TRIO: variants seen among roughly 807,000 people sequenced by gnomAD.
TRIO encodes triple functional domain protein.
In TRIO, 58 loss-of-function variants were observed where a neutral mutation model predicts 351.9. The ratio of observed to expected loss-of-function variants is 0.16; its 90% CI spans 0.13 to 0.21. TRIO has a LOEUF of 0.21. TRIO is among the 10% of genes least tolerant of loss of function. The pLI is 1.00. For missense variants in TRIO, 3,201 were observed against 4,027.8 expected (o/e 0.79, Z 5.56); for synonymous variants, 1,758 against 1,595.7 (o/e 1.10, Z -2.42).
At chr5:14,443,911 CT>C (rs1156443196) in intron 34 of TRIO, among the ~76,000 whole-genome samples, 1 of 152,154 alleles carries the variant, frequency 6.6e-6, no homozygotes, top group African/African-American at 2.4e-5. Flanking sequence ...GGTTATCATT[CT>C]GAAATCAGTA....
chr5:14,284,864 C>T (rs989969189), intron 3 of TRIO, among the ~76,000 whole-genome samples: 4 of 152,158 alleles, frequency 2.6e-5, no homozygotes, highest in Non-Finnish European at 4.4e-5. Context: ...GAGTAGAATG[C>T]CTTACTGGGC....
At chr5:14,302,834 C>G (rs571769844) in intron 7 of TRIO, among the ~76,000 whole-genome samples, 1 of 152,190 alleles carries the variant, frequency 6.6e-6, no homozygotes, top group Non-Finnish European at 1.5e-5. Context: ...AGGTTAAAAC[C>G]GAGGGAAATG....
chr5:14,195,153 G>C (rs183174103), intron 1 of TRIO, among the ~76,000 whole-genome samples: 1 of 152,014 alleles, frequency 6.6e-6, no homozygotes, highest in African/African-American at 2.4e-5. Flanking sequence ...TCTCTATTTC[G>C]TGCAGTATCC....
At chr5:14,273,859 CTG>C (rs1026488930) in intron 2 of TRIO, among the ~76,000 whole-genome samples, 1 of 152,198 alleles carries the variant, frequency 6.6e-6, no homozygotes, top group African/African-American at 2.4e-5. Flanking sequence ...TCTTTTTTAA[CTG>C]TTTATTATGG....
At chr5:14,398,629 C>CT (rs1747811749) in intron 29 of TRIO, among the ~76,000 whole-genome samples, 1 of 152,000 alleles carries the variant, frequency 6.6e-6, no homozygotes, top group Non-Finnish European at 1.5e-5. Context: ...GGATAGAACT[C>CT]AAAGAATAAA....
At chr5:14,441,227 C>CCTCCAGTCGG (rs1752013294) in intron 34 of TRIO, 1 of 152,806 alleles carries the variant, frequency 6.5e-6, no homozygotes, top group African/African-American at 2.4e-5. Flanking sequence ...GCACCTTTAG[C>CCTCCAGTCGG]CTCCAGTCGG....
At chr5:14,202,990 C>T (rs1791229098) in intron 1 of TRIO, among the ~76,000 whole-genome samples, 1 of 152,080 alleles carries the variant, frequency 6.6e-6, no homozygotes, top group African/African-American at 2.4e-5. Context: ...AGTCAACCTA[C>T]AGTCATGAGA....
chr5:14,459,191 C>A (rs562424226), intron 34 of TRIO, among the ~76,000 whole-genome samples: 2 of 152,192 alleles, frequency 1.3e-5, no homozygotes, highest in Non-Finnish European at 2.9e-5. Flanking sequence ...GTGAGACGGG[C>A]GTGTGCTGTC....
chr5:14,304,807 T>G (rs2152296189), intron 8 of TRIO, among the ~76,000 whole-genome samples: 1 of 152,304 alleles, frequency 6.6e-6, no homozygotes, highest in East Asian at 1.9e-4. Flanking sequence ...CAGTAGCCTT[T>G]CCGATAGAGC....
intron 1 of TRIO, among the ~76,000 whole-genome samples, chr5:14,232,232 C>G (rs115824381): frequency 6.6e-6 from 1 of 152,144 alleles, no homozygotes; most frequent in Non-Finnish European, 1.5e-5. Flanking sequence ...GGGCTTCTCC[C>G]GGTTCCGTGA....
At chr5:14,424,719 G>A (rs1750495389) in intron 34 of TRIO, among the ~76,000 whole-genome samples, 1 of 152,220 alleles carries the variant, frequency 6.6e-6, no homozygotes, top group Non-Finnish European at 1.5e-5. Flanking sequence ...TTTCGTAAGT[G>A]TAGTGATACA....
chr5:14,401,184 C>A (rs747510574), intron 31 of TRIO, 120 bp downstream of exon 31: 1 of 796,768 alleles, frequency 1.3e-6, no homozygotes, highest in Non-Finnish European at 1.9e-6. Flanking sequence ...TGTGTGTGTT[C>A]TATTCAGATT....
intron 1 of TRIO, among the ~76,000 whole-genome samples, chr5:14,247,784 T>A (rs1303149901): frequency 6.6e-6 from 1 of 152,096 alleles, no homozygotes; most frequent in Non-Finnish European, 1.5e-5. Context: ...TATAGACCAC[T>A]AGGCAGGGCA....
chr5:14,225,216 G>A (rs1207841918), intron 1 of TRIO, among the ~76,000 whole-genome samples: 1 of 152,170 alleles, frequency 6.6e-6, no homozygotes, highest in Non-Finnish European at 1.5e-5. Context: ...GAGGTGAGAG[G>A]TGCAGACAGG....
intron 32 of TRIO, 43 bp from the exon 33 acceptor site, chr5:14,406,530 A>C: frequency 6.3e-7 from 1 of 1,589,566 alleles, no homozygotes; most frequent in Non-Finnish European, 8.6e-7. Flanking sequence ...AGTGACTGCC[A>C]GCTCAGCAGC....
chr5:14,485,886 G>A (rs1425669858), intron 47 of TRIO, among the ~76,000 whole-genome samples: 4 of 152,160 alleles, frequency 2.6e-5, no homozygotes, highest in Non-Finnish European at 5.9e-5. Context: ...TACTCAGGAG[G>A]CTGAGGCAGG....
At chr5:14,150,741 G>A (rs1787780200) in intron 1 of TRIO, among the ~76,000 whole-genome samples, 1 of 152,140 alleles carries the variant, frequency 6.6e-6, no homozygotes, top group Non-Finnish European at 1.5e-5. Flanking sequence ...GAACAAAATT[G>A]AGTTAATTTG....
chr5:14,455,258 G>A (rs1753190570), intron 34 of TRIO, among the ~76,000 whole-genome samples: 1 of 152,296 alleles, frequency 6.6e-6, no homozygotes, highest in Admixed American at 6.5e-5. Flanking sequence ...CCATTTTGCA[G>A]AGAGCCGATT....
intron 18 of TRIO, among the ~76,000 whole-genome samples, chr5:14,370,837 C>A (rs1429535062): frequency 1.3e-5 from 2 of 152,190 alleles, no homozygotes; most frequent in African/African-American, 2.4e-5. Context: ...TTAGAATTTT[C>A]CCCTTTGTCC....
Sources: allele counts gnomAD v4.1 joint callset (sites outside exome capture counted in the v4.1 genomes callset), GRCh38; gene constraint gnomAD v4.1.1; transcripts MANE v1.5; gene names NCBI Gene and HGNC (gene_info 2026-07-23, HGNC 2026-07-21).